The following NT5DC2 variants were observed in gnomAD, a reference collection of about 807,000 sequenced individuals.
NT5DC2 encodes the protein 5'-nucleotidase domain containing 2, also known as 5'-nucleotidase domain-containing protein 2.
A neutral mutation model predicts 70.0 loss-of-function variants in NT5DC2; 41 were observed. The ratio of observed to expected loss-of-function variants is 0.59; its 90% CI spans 0.46 to 0.76. The LOEUF is 0.76. Among genes scored for constraint, NT5DC2 ranks in the 30% least tolerant of loss-of-function variants. NT5DC2 has a pLI of 0.00. For synonymous variants in NT5DC2, 299 were observed against 310.4 expected (o/e 0.96, Z 0.39); for missense variants, 705 against 783.2 (o/e 0.90, Z 1.19).
chr3:52,533,584 C>A lies in NT5DC2; in HGVS notation c.154G>T (p.Ala52Ser), dbSNP rs1435939615. ...TCGGCGCCGCTGGTGGGTGCCTGGG[C>A]GGGCGCGGAGCGCGGGACGCCGGGG... ...HCPGVPRSAPAQAPTSGADLS... is the reference protein window; with the variant it reads ...HCPGVPRSAPSQAPTSGADLS... The change falls in exon 1 of 14, where the codon GCC becomes TCC. Residue 52 changes from alanine (A) to serine (S), a missense_variant. Physicochemically the swap from Ala to Ser is moderately conservative, Grantham distance 99. Transcript: ENST00000422318. 3.9e-6 allele frequency: 5 copies of A among 1,295,596 alleles called. No individual in the cohort carries two copies. The highest frequency in any genetic ancestry group is 4.9e-6 in the Non-Finnish European group (5 of 1,022,398). The allele number at this position is 1,295,596 out of a possible 1,614,324, so 80.3% of individuals were successfully genotyped here.
At chr3:52,527,174 G>T in intron 10 of NT5DC2, 120 bp downstream of exon 10, 1 of 900,818 alleles carries the variant, frequency 1.1e-6, no homozygotes, top group Non-Finnish European at 1.8e-6. Context: ...CATTGCCTGT[G>T]TGAGGCTGCT....
chr3:52,524,936 C>T (rs200738496), intron 12 of NT5DC2, 27 bp downstream of exon 12: 9 of 1,612,472 alleles, frequency 5.6e-6, no homozygotes, highest in Middle Eastern at 1.7e-4. Flanking sequence ...ACCGCCCTGG[C>T]CCTCCCACAG....
chr3:52,534,925 G>T, upstream of NT5DC2: 1 of 445,894 alleles, frequency 2.2e-6, no homozygotes, highest in Non-Finnish European at 4.0e-6. Flanking sequence ...GGTGTCCCCA[G>T]GGCCCCAGTG....
chr3:52,527,979 G>A (rs1422407196), intron 7 of NT5DC2, 34 bp downstream of exon 7: 1 of 1,613,120 alleles, frequency 6.2e-7, no homozygotes, highest in African/African-American at 1.3e-5. Flanking sequence ...CACCTGCTCA[G>A]GCCGGCCACG....
Position 52,528,080 on chromosome 3 carries a change from G to A in NT5DC2, c.772-7C>T, listed in dbSNP as rs767918056. 2 of 1,612,762 alleles carry A rather than the reference G, an allele frequency of 1.2e-6. No individual in the cohort carries two copies. The highest frequency in any genetic ancestry group is 1.7e-6 in the Non-Finnish European group (2 of 1,179,846). On this transcript the variant is annotated splice_polypyrimidine_tract_variant and splice_region_variant and intron_variant, in intron 6 of 13. Coordinates refer to ENST00000422318, the MANE Select transcript of NT5DC2 (RefSeq NM_001134231.2). ...GCACGTCTCGGATGGCGTCCTGGGGGCAGTGGAGGACAATGAGGGTACAGC... is the reference window on the plus strand; with the variant it reads ...GCACGTCTCGGATGGCGTCCTGGGGACAGTGGAGGACAATGAGGGTACAGC...
Position 52,524,592 on chromosome 3 carries a change from C to T in NT5DC2, c.1552G>A (p.Val518Met), listed in dbSNP as rs769523457. ...CGGCGTGGGTAGAAGGTGAAGTCCA[C>T]GCGGTAGTTGAGCAGGCAGCTGAGG... The part of the protein sequence containing the change: ...ASLSCLLNYR[V>M]DFTFYPRRTP... Residue 518 changes from valine to methionine, a missense_variant, in exon 14 of 14, where the codon GTG becomes ATG. Transcript: ENST00000422318. The T allele has an allele frequency of 6.8e-6, 11 of 1,613,044 alleles. No individual in the cohort carries two copies. The highest frequency in any genetic ancestry group is 2.2e-5 in the East Asian group (1 of 44,896).
Position 52,527,922 on chromosome 3 carries a change from A to T in NT5DC2, c.842T>A (p.Ile281Asn). The T allele has an allele frequency of 6.2e-7, 1 of 1,613,566 alleles. No individual in the cohort carries two copies. The highest frequency in any genetic ancestry group is 1.1e-5 in the South Asian group (1 of 91,086). The stretch of plus-strand genomic sequence containing the variant: ...AGCAAACGTCTCATCCCCTCTCAGG[A>T]TGTACTTCTCTAATGGGGCAGATGA... Reference protein sequence around the residue: ...QWIEQDMEKYILRGDETFAVL... With the variant: ...QWIEQDMEKYNLRGDETFAVL... The change falls in exon 8 of 14, where the codon ATC becomes AAC. Residue 281 changes from isoleucine (I) to asparagine (N), a missense_variant. Transcript: ENST00000422318.
At position 52,527,658 on chromosome 3, in the gene NT5DC2, A is replaced by G; in HGVS notation, c.996T>C (p.Ile332=). ...PDWRQLFDVV[I]VQADKPSFFT... is the part of the protein sequence containing the mutation. ...AGAAGCTGGGCTTGTCTGCCTGGAC[A>G]ATGACCACATCGAAGAGCTGGCGCC... Residue 332 remains isoleucine (I), a synonymous_variant, in exon 9 of 14, where the codon ATT becomes ATC. Coordinates refer to ENST00000422318, the MANE Select transcript of NT5DC2 (RefSeq NM_001134231.2). 6.2e-7 allele frequency: 1 copy of G among 1,613,210 alleles called. No individual in the cohort carries two copies.
At chr3:52,532,783 C>A (rs2079378229) in intron 1 of NT5DC2, among the ~76,000 whole-genome samples, 1 of 152,100 alleles carries the variant, frequency 6.6e-6, no homozygotes, top group South Asian at 2.1e-4. Flanking sequence ...AGCAGGGCCC[C>A]ACTAGACCCA....
At position 52,533,569 on chromosome 3, in the gene NT5DC2, T is replaced by G; in HGVS notation, c.169A>C (p.Ser57Arg). 7.5e-7 allele frequency: 1 copy of G among 1,337,388 alleles called. No homozygotes were observed. Among genetic ancestry groups the G allele is most frequent in the Non-Finnish European group, 9.6e-7 (1 of 1,043,314 alleles). The allele number at this position is 1,337,388 out of a possible 1,614,324, so 82.8% of individuals were successfully genotyped here. ...AGGTGCGCGCTGAGGTCGGCGCCGCTGGTGGGTGCCTGGGCGGGCGCGGAG... is the reference window on the plus strand; with the variant it reads ...AGGTGCGCGCTGAGGTCGGCGCCGCGGGTGGGTGCCTGGGCGGGCGCGGAG... ...PRSAPAQAPT[S>R]GADLSAHLWA... The change falls in exon 1 of 14, where the codon AGC becomes CGC. Residue 57 changes from serine to arginine, a missense_variant. Coordinates refer to ENST00000422318, the MANE Select transcript of NT5DC2 (RefSeq NM_001134231.2).
upstream of NT5DC2, chr3:52,534,476 G>C (rs1322994937): frequency 6.2e-7 from 1 of 1,611,070 alleles, no homozygotes; most frequent in Admixed American, 1.7e-5. Flanking sequence ...CTGCAGGGTT[G>C]TGGGCCACGG....
At position 52,531,194 on chromosome 3, in the gene NT5DC2, G is replaced by A. The variant is rs569139201; in HGVS notation, c.233-1860C>T. On this transcript the variant is annotated intron_variant, in intron 1 of 13. Coordinates refer to ENST00000422318, the MANE Select transcript of NT5DC2 (RefSeq NM_001134231.2). The surrounding 1 kb of genome is among the most constrained non-coding windows in gnomAD (Gnocchi z 4.1). ...AGCCAAGTTCAGGGTGTGGGTGGGG[G>A]ATCAGGTGTGGCTGGTTCCCCAGGC... 1.3e-5 allele frequency among the ~76,000 whole-genome samples: 2 copies of A among 152,240 alleles called. No homozygotes were observed. The highest frequency in any genetic ancestry group is 2.9e-5 in the Non-Finnish European group (2 of 68,040).
intron 9 of NT5DC2, 28 bp downstream of exon 9, chr3:52,527,589 G>T: frequency 6.2e-7 from 1 of 1,608,684 alleles, no homozygotes; most frequent in Non-Finnish European, 8.5e-7. Flanking sequence ...CCCCTTCCCT[G>T]GCCCTGCAAC....
At chr3:52,532,219 G>A in intron 1 of NT5DC2, 1 of 985,474 alleles carries the variant, frequency 1.0e-6, no homozygotes, top group Non-Finnish European at 1.2e-6. Flanking sequence ...AGCTTAGAGG[G>A]CTGTGAGGCT....
chr3:52,534,804 G>GAA, upstream of NT5DC2: 1 of 941,594 alleles, frequency 1.1e-6, no homozygotes. Context: ...GTCTTTCAGG[G>GAA]TGTGTGTACA....
At chr3:52,532,442 T>C in intron 1 of NT5DC2, 1 of 985,334 alleles carries the variant, frequency 1.0e-6, no homozygotes, top group Non-Finnish European at 1.2e-6. Context: ...AAAATGACCA[T>C]TCCTCAGGGG....
rs2079360651 is a variant in NT5DC2 at position 52,531,640 on chromosome 3, C to T, written c.232+1866G>A. ...TAGAAGAACCTTGGCTCTGGGGCGACAGAAGCCTGTTCCCTTCCATAGGTG... is the reference window on the plus strand; with the variant it reads ...TAGAAGAACCTTGGCTCTGGGGCGATAGAAGCCTGTTCCCTTCCATAGGTG... On this transcript the variant is annotated intron_variant, in intron 1 of 13. Coordinates refer to ENST00000422318, the MANE Select transcript of NT5DC2 (RefSeq NM_001134231.2). This position sits in a 1 kb window ranked among gnomAD's most constrained non-coding sequence, Gnocchi z 4.1. Among the ~76,000 whole-genome samples the T allele has an allele frequency of 7.2e-6, 1 of 139,550 alleles. No homozygotes were observed. The highest frequency in any genetic ancestry group is 1.5e-5 in the Non-Finnish European group (1 of 66,608). The allele number at this position is 139,550 out of a possible 152,430, so 91.6% of individuals were successfully genotyped here.
Position 52,528,904 on chromosome 3 carries a change from T to C in NT5DC2, c.449A>G (p.Asn150Ser), listed in dbSNP as rs769363875. 1.9e-6 allele frequency: 3 copies of C among 1,613,958 alleles called. No individual in the cohort carries two copies. In the Admixed American group the frequency reaches 5.0e-5, roughly 27 times the overall value. ...YPEGIRKYDY[N>S]PSFAIRGLHY... The stretch of plus-strand genomic sequence containing the variant: ...GAGGCCACGGATGGCAAAGCTGGGG[T>C]TGTAGTCATACTTCCGAATCCCTTC... The change falls in exon 3 of 14, where the codon AAC (asparagine) becomes AGC (serine). Residue 150 changes from asparagine to serine, a missense_variant. Asn to Ser is a conservative substitution (Grantham distance 46). Transcript: ENST00000422318.
rs2079199585 is a variant in NT5DC2 at position 52,524,389 on chromosome 3, GGGA to G, written c.*78_*80del. On this transcript the variant is annotated 3_prime_UTR_variant, in exon 14 of 14. Transcript: ENST00000422318. ...GGGGCTGAAAGCAGAAGCATGCACA[GGGA>G]GGAGACCACTTTTATTGCTTGTCTG... The G allele has an allele frequency of 4.3e-6, 7 of 1,613,156 alleles. No individual in the cohort carries two copies. The highest frequency in any genetic ancestry group is 1.7e-5 in the Admixed American group (1 of 60,006).
Sources: gnomAD v4.1 joint callset for allele counts (sites outside exome capture counted in the v4.1 genomes callset) on GRCh38, gnomAD v4.1.1 for gene constraint, Gnocchi (gnomAD v3.1) non-coding constraint, MANE v1.5 for transcripts, NCBI Gene and HGNC (gene_info 2026-07-23, HGNC 2026-07-21) for gene names.